DLG2: variants seen among roughly 807,000 people sequenced by gnomAD.
DLG2 encodes discs large MAGUK scaffold protein 2.
In DLG2, 45 loss-of-function variants were observed where a neutral mutation model predicts 132.5. The observed-to-expected ratio is 0.34, with a 90% confidence interval of 0.27 to 0.44. DLG2 has a LOEUF of 0.44. DLG2 is among the 20% of genes least tolerant of loss of function. The probability of loss-of-function intolerance (pLI) is 1.00; values close to 1 mark genes in which losing one functional copy is unlikely to be tolerated. For missense variants in DLG2, 1,045 were observed against 1,196.9 expected, an observed-to-expected ratio of 0.87 and a Z score of 1.87; for synonymous variants, 424 against 419.6, an observed-to-expected ratio of 1.01 and a Z score of -0.13.
At chr11:84,708,116 A>T (rs1421572465) in intron 6 of DLG2, among the ~76,000 whole-genome samples, 1 of 151,774 alleles carries the variant, frequency 6.6e-6, no homozygotes, top group Non-Finnish European at 1.5e-5. Context: ...TTCTTTGATC[A>T]TCTGAAAAAT....
At chr11:85,625,369 G>A (rs145860893) in intron 2 of DLG2, 2 of 152,140 alleles carry the variant, frequency 1.3e-5, no homozygotes, top group African/African-American at 4.8e-5. Flanking sequence ...AATTGTGTCT[G>A]GTCTGGACAA....
chr11:84,413,366 T>C (rs1286514664), intron 7 of DLG2, among the ~76,000 whole-genome samples: 2 of 152,194 alleles, frequency 1.3e-5, no homozygotes, highest in Non-Finnish European at 2.9e-5. Context: ...TAATTAATGA[T>C]CTTCCCAAGG....
In DLG2 at chr11:84,267,058, A is replaced by G. The variant is rs1032976551; in HGVS notation, c.520-15767T>C. ...ACGAGAGAAATAGGGACAAAGTCCC[A>G]TGACAGGCATGAAGAAAGGCAGGTG... On this transcript the variant is annotated intron_variant, in intron 7 of 27. Coordinates refer to ENST00000376104, the MANE Select transcript of DLG2 (RefSeq NM_001142699.3). Among the ~76,000 whole-genome samples the G allele has an allele frequency of 1.8e-4, 27 of 152,208 alleles. 1 individual carries two copies. Among genetic ancestry groups the G allele is most frequent in the Admixed American group, 1.6e-3 (24 of 15,272 alleles).
chr11:83,644,143 C>A, intron 18 of DLG2, among the ~76,000 whole-genome samples: 1 of 152,210 alleles, frequency 6.6e-6, no homozygotes, highest in African/African-American at 2.4e-5. Flanking sequence ...ACAACAGATA[C>A]TTTTCTTTTG....
chr11:84,229,678 A>G (rs564648972), intron 8 of DLG2, among the ~76,000 whole-genome samples: 39 of 152,296 alleles, frequency 2.6e-4, no homozygotes, highest in African/African-American at 9.4e-4. Flanking sequence ...TCAAGTAGTA[A>G]GGGTTTAGAG....
chr11:84,374,872 T>C (rs2154431116), intron 7 of DLG2, among the ~76,000 whole-genome samples: 1 of 152,262 alleles, frequency 6.6e-6, no homozygotes, highest in South Asian at 2.1e-4. Context: ...ATATGGATTC[T>C]CATCTACTGT....
rs1234803914 is a variant in DLG2, at chr11:84,331,389, G to A, written c.520-80098C>T. Among the ~76,000 whole-genome samples, 6 of 149,934 alleles carry A rather than the reference G, an allele frequency of 4.0e-5. No individual in the cohort carries two copies. The East Asian group carries it at 1.2e-3, about 29-fold the overall frequency. Reference sequence around the variant, plus strand: ...TAGCAAAGCTGCAATTCAAATTTAGGTCAGTCAGATTCCAAATCCTGATGC... The same window carrying A: ...TAGCAAAGCTGCAATTCAAATTTAGATCAGTCAGATTCCAAATCCTGATGC... On this transcript the variant is annotated intron_variant, in intron 7 of 27. Transcript: ENST00000376104.
chr11:84,199,708 G>T (rs2096567219), intron 8 of DLG2, among the ~76,000 whole-genome samples: 1 of 151,984 alleles, frequency 6.6e-6, no homozygotes, highest in Admixed American at 6.6e-5. Flanking sequence ...CCAAAGAAGG[G>T]TTTACTCAGT....
At chr11:84,130,494 A>ATT (rs2094368336) in intron 9 of DLG2, among the ~76,000 whole-genome samples, 1 of 112,646 alleles carries the variant, frequency 8.9e-6, no homozygotes, top group Non-Finnish European at 1.9e-5. Flanking sequence ...GTGGAAAAGT[A>ATT]TATATATATA....
chr11:84,970,304 A>T (rs759662867), intron 6 of DLG2, among the ~76,000 whole-genome samples: 29 of 151,744 alleles, frequency 1.9e-4, no homozygotes, highest in Non-Finnish European at 3.8e-4. Context: ...CACTGTCTCT[A>T]CTCCTCTTCC....
chr11:84,169,400 A>G (rs1200982680), intron 8 of DLG2, among the ~76,000 whole-genome samples: 1 of 152,202 alleles, frequency 6.6e-6, no homozygotes, highest in Non-Finnish European at 1.5e-5. Context: ...CAAATACTGA[A>G]TGTTTGCTAA....
At chr11:85,188,943 A>G (rs1272301100) in intron 4 of DLG2, among the ~76,000 whole-genome samples, 3 of 152,234 alleles carry the variant, frequency 2.0e-5, no homozygotes, top group Non-Finnish European at 4.4e-5. Context: ...ATAAGCCCCA[A>G]GCTTTTAAAA....
At chr11:84,383,825 T>C (rs1031013007) in intron 7 of DLG2, among the ~76,000 whole-genome samples, 1 of 152,108 alleles carries the variant, frequency 6.6e-6, no homozygotes, top group African/African-American at 2.4e-5. Context: ...TGCTATGCTG[T>C]GCTTGGGCTT....
At chr11:85,134,649 T>C (rs1293423159) in intron 5 of DLG2, among the ~76,000 whole-genome samples, 1 of 151,340 alleles carries the variant, frequency 6.6e-6, no homozygotes, top group African/African-American at 2.4e-5. Flanking sequence ...AACCTCAATA[T>C]CCCAATAACC....
At chr11:83,533,719 T>C (rs1051561560) in intron 20 of DLG2, among the ~76,000 whole-genome samples, 4 of 152,106 alleles carry the variant, frequency 2.6e-5, no homozygotes, top group East Asian at 1.9e-4. Context: ...ACAGGGTACA[T>C]AGGGGATATA....
intron 9 of DLG2, among the ~76,000 whole-genome samples, chr11:84,155,534 T>C (rs1473935157): frequency 6.6e-6 from 1 of 151,596 alleles, no homozygotes; most frequent in African/African-American, 2.4e-5. Context: ...AGCCTGGTGA[T>C]CTAAAGGGTC....
intron 6 of DLG2, among the ~76,000 whole-genome samples, chr11:84,970,420 T>C (rs1363594011): frequency 6.6e-6 from 1 of 152,194 alleles, no homozygotes. Context: ...CTTAGTCCAT[T>C]TGGGCTGCCA....
intron 4 of DLG2, among the ~76,000 whole-genome samples, chr11:85,215,229 G>C (rs1033161597): frequency 6.6e-6 from 1 of 152,146 alleles, no homozygotes; most frequent in Non-Finnish European, 1.5e-5. Flanking sequence ...CATTGTGACT[G>C]AATAAAAAAT....
intron 7 of DLG2, among the ~76,000 whole-genome samples, chr11:84,417,951 C>T (rs146537148): frequency 8.2e-4 from 125 of 152,268 alleles, no homozygotes; most frequent in African/African-American, 2.6e-3. Flanking sequence ...TATCTCTCAA[C>T]GCTAAATTAT....
Sources: allele counts gnomAD v4.1 joint callset (sites outside exome capture counted in the v4.1 genomes callset), GRCh38; gene constraint gnomAD v4.1.1; transcripts MANE v1.5; gene names NCBI Gene and HGNC (gene_info 2026-07-23, HGNC 2026-07-21).